The following OR10C1 variants were observed in gnomAD, a reference collection of about 807,000 sequenced individuals.
OR10C1 encodes olfactory receptor family 10 subfamily C member 1, also known as olfactory receptor 10C1.
For missense variants in OR10C1, 388 were observed against 392.1 expected (o/e 0.99, Z 0.09); for synonymous variants, 183 against 174.4 (o/e 1.05, Z -0.39).
rs1412672794 is a variant in OR10C1, at chr6:29,440,205, A to G, written c.190A>G (p.Thr64Ala). The G allele has an allele frequency of 6.2e-7, 1 of 1,612,990 alleles. No individual in the cohort carries two copies. Among genetic ancestry groups the G allele is most frequent in the African/African-American group, 1.3e-5 (1 of 74,612 alleles). ...LQSPMYFFLR[T>A]LSALEIGYTS... ...GTCCCCTATGTACTTCTTCCTGCGC[A>G]CCCTCTCGGCCTTGGAGATTGGCTA... Residue 64 changes from threonine to alanine, a missense_variant, in exon 1 of 1, where the codon ACC (threonine) becomes GCC (alanine). By Grantham distance (58) the Thr-to-Ala change is moderately conservative (BLOSUM62 0). Coordinates refer to ENST00000444197, the MANE Select transcript of OR10C1 (RefSeq NM_013941.4).
rs371963631 is a variant in OR10C1, at chr6:29,440,361, G to A, written c.346G>A (p.Ala116Thr). The A allele has an allele frequency of 1.2e-6, 2 of 1,614,010 alleles. No individual in the cohort carries two copies. The highest frequency in any genetic ancestry group is 2.7e-5 in the African/African-American group (2 of 74,926). ...CGCCACGGAGTGCTGCCTCCTGGCA[G>A]CCATGGCCTATGACCGCTATGCAGC... ...FGATECCLLA[A>T]MAYDRYAAIC... The change falls in exon 1 of 1, where the codon GCC becomes ACC. Residue 116 changes from alanine (A) to threonine (T), a missense_variant. Ala to Thr is a moderately conservative substitution (Grantham distance 58, BLOSUM62 0). Coordinates refer to ENST00000444197, the MANE Select transcript of OR10C1 (RefSeq NM_013941.4).
rs1306452376 is a variant in OR10C1 at position 29,439,792 on chromosome 6, C to G, written c.-224C>G. The G allele has an allele frequency of 5.2e-6, 3 of 578,454 alleles. No individual in the cohort carries two copies. The highest frequency in any genetic ancestry group is 4.8e-5 in the South Asian group (2 of 41,744). The allele number at this position is 578,454 out of a possible 1,614,324, so 35.8% of individuals were successfully genotyped here. On this transcript the variant is annotated 5_prime_UTR_variant, in exon 1 of 1. Coordinates refer to ENST00000444197, the MANE Select transcript of OR10C1 (RefSeq NM_013941.4). ...AGAGATGAAGTCAGGGATTCAGGCTCAGAGAGACAAATACTCATCCAGGAT... is the reference window on the plus strand; with the variant it reads ...AGAGATGAAGTCAGGGATTCAGGCTGAGAGAGACAAATACTCATCCAGGAT...
rs1019560082 is a variant in OR10C1 at position 29,440,431 on chromosome 6, T to A, written c.416T>A (p.Val139Glu). Reference protein sequence around the residue: ...LRYPLLLSHRVCLQLAGSAWA... With the variant: ...LRYPLLLSHRECLQLAGSAWA... Reference sequence around the variant, plus strand: ...TACCCACTGCTGCTGAGCCACCGGGTGTGTCTACAGCTAGCTGGGTCGGCG... The same window carrying A: ...TACCCACTGCTGCTGAGCCACCGGGAGTGTCTACAGCTAGCTGGGTCGGCG... The change falls in exon 1 of 1, where the codon GTG (valine) becomes GAG (glutamate). Residue 139 changes from valine to glutamate, a missense_variant. Transcript: ENST00000444197. 1.2e-6 allele frequency: 2 copies of A among 1,614,034 alleles called. No individual in the cohort carries two copies. Among genetic ancestry groups the A allele is most frequent in the South Asian group, 2.2e-5 (2 of 91,082 alleles).
rs1339134479 is a variant in OR10C1, at chr6:29,440,474, G to A, written c.459G>A (p.Leu153=). 5 of 1,613,792 alleles carry A rather than the reference G, an allele frequency of 3.1e-6. No homozygotes were observed. The highest frequency in any genetic ancestry group is 2.7e-5 in the African/African-American group (2 of 74,926). Residue 153 remains leucine, a synonymous_variant, in exon 1 of 1, where the codon CTG becomes CTA. Coordinates refer to ENST00000444197, the MANE Select transcript of OR10C1 (RefSeq NM_013941.4). ...GGTCGGCGTGGGCCTGTGGGGTGCT[G>A]GTGGGGCTGGGCCACACCCCTTTCA... The part of the protein sequence containing the change: ...LAGSAWACGV[L]VGLGHTPFIF...
Position 29,439,837 on chromosome 6 carries a change from G to A in OR10C1, c.-179G>A, listed in dbSNP as rs1582567256. On this transcript the variant is annotated 5_prime_UTR_variant, in exon 1 of 1. Transcript: ENST00000444197. ...CAGGATCCCAAGAGTGAGCAAGGGT[G>A]GAATATGGACTCCAGGCAAGGCTGC... 2 of 604,004 alleles carry A rather than the reference G, an allele frequency of 3.3e-6. No individual in the cohort carries two copies. The highest frequency in any genetic ancestry group is 2.7e-5 in the East Asian group (1 of 36,368). 37.4% of individuals were successfully genotyped at this position (604,004 alleles called of 1,614,324 possible). A position where few individuals can be genotyped will look rare whatever the true frequency, so the allele number is the denominator to read the frequency against.
At position 29,439,431 on chromosome 6, in the gene OR10C1, T is replaced by A. The variant is rs554206157; in HGVS notation, c.-585T>A. 6.6e-6 allele frequency: 1 copy of A among 152,514 alleles called. No individual in the cohort carries two copies. The highest frequency in any genetic ancestry group is 2.1e-4 in the South Asian group (1 of 4,836). The allele number at this position is 152,514 out of a possible 1,614,324, so 9.4% of individuals were successfully genotyped here. ...TATAGGAGCTTAAAAAGAGAGGATC[T>A]TTCTCATTTTTTTTCTCCTCCTTGA... On this transcript the variant is annotated 5_prime_UTR_variant, in exon 1 of 1. Transcript: ENST00000444197.
rs139025176 is a variant in OR10C1 at position 29,440,692 on chromosome 6, G to T, written c.677G>T (p.Arg226Leu). 60 of 1,614,088 alleles carry T rather than the reference G, an allele frequency of 3.7e-5. No homozygotes were observed. The African/African-American group carries it at 7.5e-4, about 20-fold the overall frequency. ...GGGCGTATCCTCGTTACCATCTTCC[G>T]GATCCCATCTGTTGCGGGCCGCCGC... is the stretch of plus-strand genomic sequence containing the variant. Reference protein sequence around the residue: ...SYGRILVTIFRIPSVAGRRKA... With the variant: ...SYGRILVTIFLIPSVAGRRKA... Residue 226 changes from arginine (R) to leucine (L), a missense_variant, in exon 1 of 1, where the codon CGG (arginine) becomes CTG (leucine). Physicochemically the swap from Arg to Leu is moderately radical, Grantham distance 102. Transcript: ENST00000444197.
In OR10C1 at chr6:29,440,679, G is replaced by T. The variant is rs745413870; in HGVS notation, c.664G>T (p.Val222Phe). ...LILGSYGRILVTIFRIPSVAG... is the reference protein window; with the variant it reads ...LILGSYGRILFTIFRIPSVAG... ...CCTGGGCTCCTACGGGCGTATCCTC[G>T]TTACCATCTTCCGGATCCCATCTGT... Residue 222 changes from valine (V) to phenylalanine (F), a missense_variant, in exon 1 of 1, where the codon GTT (valine) becomes TTT (phenylalanine). Transcript: ENST00000444197. 1.9e-6 allele frequency: 3 copies of T among 1,614,116 alleles called. No homozygotes were observed. Among genetic ancestry groups the T allele is most frequent in the East Asian group, 2.2e-5 (1 of 44,864 alleles).
chr6:29,440,376 C>T lies in OR10C1; in HGVS notation c.361C>T (p.Arg121Cys), dbSNP rs17177639. 9.8e-3 allele frequency: 15,741 copies of T among 1,614,030 alleles called. 303 individuals are homozygous for T. The highest frequency in any genetic ancestry group is 0.078 in the African/African-American group (5,851 of 75,014). Residue 121 changes from arginine to cysteine, a missense_variant, in exon 1 of 1, where the codon CGC becomes TGC. Arg to Cys is a radical substitution (Grantham distance 180). Coordinates refer to ENST00000444197, the MANE Select transcript of OR10C1 (RefSeq NM_013941.4). Reference protein sequence around the residue: ...CCLLAAMAYDRYAAICEPLRY... With the variant: ...CCLLAAMAYDCYAAICEPLRY... ...CCTCCTGGCAGCCATGGCCTATGAC[C>T]GCTATGCAGCCATCTGTGAACCCCT...
In OR10C1 at chr6:29,440,165, T is replaced by C. The variant is rs552905092; in HGVS notation, c.150T>C (p.Thr50=). Residue 50 remains threonine, a synonymous_variant, in exon 1 of 1, where the codon ACT becomes ACC. Coordinates refer to ENST00000444197, the MANE Select transcript of OR10C1 (RefSeq NM_013941.4). ...TCCTCATTGTGGTGCTGGTCTCCAC[T>C]GATGCTGCCCTCCAGTCCCCTATGT... ...GNFLIVVLVS[T]DAALQSPMYF... 8 of 1,613,686 alleles carry C rather than the reference T, an allele frequency of 5.0e-6. No homozygotes were observed. Among genetic ancestry groups the C allele is most frequent in the African/African-American group, 1.3e-5 (1 of 75,046 alleles).
rs555486632 is a variant in OR10C1, at chr6:29,440,936, G to C, written c.921G>C (p.Thr307=). Reference sequence around the variant, plus strand: ...CCCTAAAGAGAACCATCCAGAAAACGGTGCCTATGGAGATTTGAAAAGGGG... The same window carrying C: ...CCCTAAAGAGAACCATCCAGAAAACCGTGCCTATGGAGATTTGAAAAGGGG... ...KAALKRTIQK[T]VPMEI The change falls in exon 1 of 1, where the codon ACG becomes ACC. Residue 307 remains threonine, a synonymous_variant. Coordinates refer to ENST00000444197, the MANE Select transcript of OR10C1 (RefSeq NM_013941.4). The C allele has an allele frequency of 1.9e-6, 3 of 1,609,666 alleles. No homozygotes were observed. The highest frequency in any genetic ancestry group is 1.1e-5 in the South Asian group (1 of 91,036).
In OR10C1 at chr6:29,440,786, C is replaced by A. The variant is rs1329537836; in HGVS notation, c.771C>A (p.Ile257=). ...TCTTCTATGGCACCGCACTCTTTAT[C>A]TATATTCGCCCTAAGGCCAGCTACG... ...VSLFYGTALF[I]YIRPKASYDP... The change falls in exon 1 of 1, where the codon ATC becomes ATA. Residue 257 remains isoleucine (I), a synonymous_variant. Transcript: ENST00000444197. 6.2e-7 allele frequency: 1 copy of A among 1,614,038 alleles called. No homozygotes were observed. Among genetic ancestry groups the A allele is most frequent in the Admixed American group, 1.7e-5 (1 of 60,030 alleles).
At position 29,440,652 on chromosome 6, in the gene OR10C1, A is replaced by G. The variant is rs1784075346; in HGVS notation, c.637A>G (p.Ile213Val). 4 of 1,614,120 alleles carry G rather than the reference A, an allele frequency of 2.5e-6. No homozygotes were observed. Among genetic ancestry groups the G allele is most frequent in the African/African-American group, 1.3e-5 (1 of 75,050 alleles). Residue 213 changes from isoleucine (I) to valine (V), a missense_variant, in exon 1 of 1, where the codon ATC becomes GTC. Transcript: ENST00000444197. ...ALLILCPFGL[I>V]LGSYGRILVT... is the part of the protein sequence containing the mutation. ...CCTCATCCTCTGCCCCTTTGGCCTC[A>G]TCCTGGGCTCCTACGGGCGTATCCT...
At position 29,439,829 on chromosome 6, in the gene OR10C1, G is replaced by A. The variant is rs1421008261; in HGVS notation, c.-187G>A. Reference sequence around the variant, plus strand: ...TACTCATCCAGGATCCCAAGAGTGAGCAAGGGTGGAATATGGACTCCAGGC... The same window carrying A: ...TACTCATCCAGGATCCCAAGAGTGAACAAGGGTGGAATATGGACTCCAGGC... On this transcript the variant is annotated 5_prime_UTR_variant, in exon 1 of 1. Coordinates refer to ENST00000444197, the MANE Select transcript of OR10C1 (RefSeq NM_013941.4). The A allele has an allele frequency of 1.0e-5, 6 of 600,772 alleles. No individual in the cohort carries two copies. The Admixed American group carries it at 1.8e-4, about 18-fold the overall frequency. The allele number at this position is 600,772 out of a possible 1,614,324, so 37.2% of individuals were successfully genotyped here.
Position 29,440,337 on chromosome 6 carries a change from G to T in OR10C1, c.322G>T (p.Ala108Ser). The change falls in exon 1 of 1, where the codon GCC becomes TCC. Residue 108 changes from alanine to serine, a missense_variant. By Grantham distance (99) the Ala-to-Ser change is moderately conservative. Transcript: ENST00000444197. ...GATGTTCTTCTTCCTCTTCTTTGGC[G>T]CCACGGAGTGCTGCCTCCTGGCAGC... Reference protein sequence around the residue: ...LQMFFFLFFGATECCLLAAMA... With the variant: ...LQMFFFLFFGSTECCLLAAMA... The T allele has an allele frequency of 1.2e-6, 2 of 1,613,986 alleles. No homozygotes were observed. The highest frequency in any genetic ancestry group is 2.2e-5 in the South Asian group (2 of 91,082).
rs555802210 is a variant in OR10C1 at position 29,440,634 on chromosome 6, C to T, written c.619C>T (p.Leu207Phe). ...QIILATALLI[L>F]CPFGLILGSY... is the part of the protein sequence containing the mutation. ...TATCCTGGCAACAGCCCTCCTCATC[C>T]TCTGCCCCTTTGGCCTCATCCTGGG... Residue 207 changes from leucine (L) to phenylalanine (F), a missense_variant, in exon 1 of 1, where the codon CTC becomes TTC. Leu to Phe is a conservative substitution (Grantham distance 22). Transcript: ENST00000444197. 1.2e-6 allele frequency: 2 copies of T among 1,613,976 alleles called. No individual in the cohort carries two copies. The highest frequency in any genetic ancestry group is 1.7e-5 in the Admixed American group (1 of 60,010).
chr6:29,440,136 A>G lies in OR10C1; in HGVS notation c.121A>G (p.Asn41Asp), dbSNP rs1415508074. The G allele has an allele frequency of 6.2e-7, 1 of 1,613,156 alleles. No individual in the cohort carries two copies. The highest frequency in any genetic ancestry group is 1.3e-5 in the African/African-American group (1 of 74,836). ...TATCTACCTGCTGACCGTGGCAGGCAATTTCCTCATTGTGGTGCTGGTCTC... is the reference window on the plus strand; with the variant it reads ...TATCTACCTGCTGACCGTGGCAGGCGATTTCCTCATTGTGGTGCTGGTCTC... ...LTIYLLTVAG[N>D]FLIVVLVSTD... Residue 41 changes from asparagine (N) to aspartate (D), a missense_variant, in exon 1 of 1, where the codon AAT becomes GAT. Physicochemically the swap from Asn to Asp is conservative, Grantham distance 23. Coordinates refer to ENST00000444197, the MANE Select transcript of OR10C1 (RefSeq NM_013941.4).
At position 29,440,122 on chromosome 6, in the gene OR10C1, T is replaced by C. The variant is rs143553430; in HGVS notation, c.107T>C (p.Leu36Pro). Residue 36 changes from leucine (L) to proline (P), a missense_variant, in exon 1 of 1, where the codon CTG becomes CCG. Physicochemically the swap from Leu to Pro is moderately conservative, Grantham distance 98. Coordinates refer to ENST00000444197, the MANE Select transcript of OR10C1 (RefSeq NM_013941.4). Reference sequence around the variant, plus strand: ...TCTGTCTTTCTCACTATCTACCTGCTGACCGTGGCAGGCAATTTCCTCATT... The same window carrying C: ...TCTGTCTTTCTCACTATCTACCTGCCGACCGTGGCAGGCAATTTCCTCATT... ...LFSVFLTIYL[L>P]TVAGNFLIVV... is the part of the protein sequence containing the mutation. 1.2e-6 allele frequency: 2 copies of C among 1,613,438 alleles called. No individual in the cohort carries two copies. Among genetic ancestry groups the C allele is most frequent in the Non-Finnish European group, 1.7e-6 (2 of 1,180,028 alleles).
Position 29,440,111 on chromosome 6 carries a change from T to C in OR10C1, c.96T>C (p.Thr32=), listed in dbSNP as rs1429627910. Residue 32 remains threonine, a synonymous_variant, in exon 1 of 1, where the codon ACT becomes ACC. Transcript: ENST00000444197. The part of the protein sequence containing the change: ...LQGLLFSVFL[T]IYLLTVAGNF... ...GCTTGCTCTTCTCTGTCTTTCTCAC[T>C]ATCTACCTGCTGACCGTGGCAGGCA... The C allele has an allele frequency of 2.5e-6, 4 of 1,613,264 alleles. No individual in the cohort carries two copies. The highest frequency in any genetic ancestry group is 2.5e-6 in the Non-Finnish European group (3 of 1,180,022).
Sources: allele counts gnomAD v4.1 joint callset, GRCh38; gene constraint gnomAD v4.1.1; transcripts MANE v1.5; gene names NCBI Gene and HGNC (gene_info 2026-07-23, HGNC 2026-07-21).